SLIT2: variants seen among roughly 807,000 people sequenced by gnomAD.
The protein encoded by SLIT2 is slit guidance ligand 2, also known as slit homolog 2 protein.
Under a neutral mutation model 185.7 loss-of-function variants are expected in SLIT2, and 41 were observed. The ratio of observed to expected loss-of-function variants is 0.22; its 90% CI spans 0.17 to 0.29. The LOEUF (loss-of-function observed/expected upper bound fraction) is 0.29. SLIT2 is among the 10% of genes least tolerant of loss of function. The probability of loss-of-function intolerance (pLI) is 1.00; values close to 1 mark genes in which losing one functional copy is unlikely to be tolerated. For synonymous variants in SLIT2, 693 were observed against 680.2 expected (o/e 1.02, Z -0.29); for missense variants, 1,571 against 1,909.0 (o/e 0.82, Z 3.30).
intron 33 of SLIT2, among the ~76,000 whole-genome samples, chr4:20,606,090 T>C (rs911831099): frequency 2.6e-5 from 4 of 152,176 alleles, no homozygotes; most frequent in African/African-American, 9.7e-5. Context: ...AAAGGATTCC[T>C]GGACATCCTC....
intron 4 of SLIT2, among the ~76,000 whole-genome samples, chr4:20,372,642 G>A (rs1347933658): frequency 2.6e-5 from 4 of 151,852 alleles, no homozygotes; most frequent in Admixed American, 6.6e-5. Flanking sequence ...GATCTTTGTT[G>A]GTTTCTTTGC....
At position 20,616,931 on chromosome 4, in the gene SLIT2, T is replaced by A. The variant is rs760115653; in HGVS notation, c.3869T>A (p.Val1290Glu). 1 of 1,604,070 alleles carries A rather than the reference T, an allele frequency of 6.2e-7. No individual in the cohort carries two copies. Among genetic ancestry groups the A allele is most frequent in the Non-Finnish European group, 8.5e-7 (1 of 1,172,168 alleles). ...YVGGMPGKSN[V>E]ASLRQAPGQN... is the part of the protein sequence containing the mutation. Reference sequence around the variant, plus strand: ...CCAGGCATGCCAGGGAAGAGTAACGTGGCATCTCTGCGCCAGGCCCCTGGG... The same window carrying A: ...CCAGGCATGCCAGGGAAGAGTAACGAGGCATCTCTGCGCCAGGCCCCTGGG... The change falls in exon 35 of 37, where the codon GTG (valine) becomes GAG (glutamate). Residue 1290 changes from valine to glutamate, a missense_variant. Val to Glu is a moderately radical substitution (Grantham distance 121). Transcript: ENST00000504154.
chr4:20,295,160 A>G (rs973638095), intron 4 of SLIT2, among the ~76,000 whole-genome samples: 1 of 152,200 alleles, frequency 6.6e-6, no homozygotes, highest in African/African-American at 2.4e-5. Context: ...TGCCTTAAAC[A>G]TTTATAATTT....
At chr4:20,452,397 C>T (rs1398694110) in intron 4 of SLIT2, among the ~76,000 whole-genome samples, 1 of 152,162 alleles carries the variant, frequency 6.6e-6, no homozygotes, top group Non-Finnish European at 1.5e-5. Context: ...AGGTGTAAAG[C>T]ATTTAAAAAT....
At chr4:20,486,520 T>C (rs1717257931) in intron 7 of SLIT2, among the ~76,000 whole-genome samples, 1 of 152,144 alleles carries the variant, frequency 6.6e-6, no homozygotes, top group East Asian at 1.9e-4. Flanking sequence ...CTTTGAGCTA[T>C]TGTGGAGGTC....
chr4:20,584,334 G>C (rs1224995932), intron 29 of SLIT2, among the ~76,000 whole-genome samples: 1 of 152,124 alleles, frequency 6.6e-6, no homozygotes, highest in African/African-American at 2.4e-5. Flanking sequence ...TACTTCCTGA[G>C]GTCTCTTTAT....
At position 20,533,902 on chromosome 4, in the gene SLIT2, C is replaced by G. The variant is rs548373420; in HGVS notation, c.1832+187C>G. On this transcript the variant is annotated intron_variant, in intron 18 of 36. Transcript: ENST00000504154. Reference sequence around the variant, plus strand: ...CATGTATTGTGAATTCAGATGGTCCCTTACCCCAATATTCCTGCCTTCGAT... The same window carrying G: ...CATGTATTGTGAATTCAGATGGTCCGTTACCCCAATATTCCTGCCTTCGAT... Among the ~76,000 whole-genome samples the G allele has an allele frequency of 2.8e-5, 4 of 141,840 alleles. No homozygotes were observed. In the South Asian group the frequency reaches 9.4e-4, roughly 33 times the overall value. The allele number at this position is 141,840 out of a possible 152,430, so 93.1% of individuals were successfully genotyped here.
At chr4:20,536,773 CTTATAT>C (rs1560174862) in intron 18 of SLIT2, among the ~76,000 whole-genome samples, 2 of 151,150 alleles carry the variant, frequency 1.3e-5, no homozygotes, top group Admixed American at 1.3e-4. Context: ...TTTTTTTACT[CTTATAT>C]TTATATAAGA....
intron 4 of SLIT2, among the ~76,000 whole-genome samples, chr4:20,328,358 C>T (rs770761180): frequency 1.4e-4 from 21 of 151,872 alleles, no homozygotes; most frequent in African/African-American, 4.1e-4. Flanking sequence ...GAATAAAATT[C>T]GCTCCATAAA....
intron 9 of SLIT2, 47 bp from the exon 10 acceptor site, chr4:20,510,448 C>A: frequency 1.7e-6 from 2 of 1,185,968 alleles, no homozygotes; most frequent in Non-Finnish European, 1.3e-6. Flanking sequence ...TAAACATGTC[C>A]GAAGGTTCAC....
At chr4:20,424,676 ATG>A (rs1728418654) in intron 4 of SLIT2, among the ~76,000 whole-genome samples, 7 of 152,266 alleles carry the variant, frequency 4.6e-5, no homozygotes, top group Admixed American at 3.9e-4. Context: ...AACAAAGTCA[ATG>A]TGCACATCTG....
intron 4 of SLIT2, among the ~76,000 whole-genome samples, chr4:20,443,800 A>C (rs150326930): frequency 6.6e-5 from 10 of 152,264 alleles, no homozygotes; most frequent in African/African-American, 2.2e-4. Context: ...GAGCCTCATC[A>C]TGTAATAATT....
chr4:20,397,589 C>G (rs1726003692), intron 4 of SLIT2, among the ~76,000 whole-genome samples: 1 of 151,808 alleles, frequency 6.6e-6, no homozygotes, highest in Non-Finnish European at 1.5e-5. Context: ...TATAAATTGT[C>G]ATAATCTTCT....
Position 20,491,741 on chromosome 4 carries a change from C to T in SLIT2, c.776-20C>T, listed in dbSNP as rs760311995. 36 of 1,600,790 alleles carry T rather than the reference C, an allele frequency of 2.2e-5. No homozygotes were observed. In the South Asian group the frequency reaches 3.7e-4, roughly 17 times the overall value. On this transcript the variant is annotated intron_variant, in intron 8 of 36. Transcript: ENST00000504154. Reference sequence around the variant, plus strand: ...GATATTCAGGAGGAAAAATATAATTCCTGTTTATTTCTTTTTTAGGTCACC... The same window carrying T: ...GATATTCAGGAGGAAAAATATAATTTCTGTTTATTTCTTTTTTAGGTCACC...
At chr4:20,377,949 C>A (rs1405229595) in intron 4 of SLIT2, among the ~76,000 whole-genome samples, 1 of 152,002 alleles carries the variant, frequency 6.6e-6, no homozygotes, top group East Asian at 1.9e-4. Context: ...CAATAATCAC[C>A]ATAATGGTGG....
intron 11 of SLIT2, among the ~76,000 whole-genome samples, chr4:20,511,603 T>TTTTTTTTTTTTTTTA (rs61276848): frequency 2.6e-4 from 37 of 144,226 alleles, no homozygotes; most frequent in African/African-American, 9.4e-4. Context: ...TTTTTTTTTT[T>TTTTTTTTTTTTTTTA]ATTTTTGGTA....
Position 20,548,209 on chromosome 4 carries a change from G to A in SLIT2, c.2346-279G>A, listed in dbSNP as rs150015533. On this transcript the variant is annotated intron_variant, in intron 22 of 36. Transcript: ENST00000504154. ...GGCAAATAAACTCTGCTCTGAAGCT[G>A]CTGCTTTGAAGTGAACCAACCCCTT... Among the ~76,000 whole-genome samples the A allele has an allele frequency of 5.4e-3, 824 of 152,188 alleles. 8 individuals carry two copies. The highest frequency in any genetic ancestry group is 0.018 in the African/African-American group (757 of 41,526).
chr4:20,466,854 A>G (rs2148741575), intron 4 of SLIT2, among the ~76,000 whole-genome samples: 1 of 152,224 alleles, frequency 6.6e-6, no homozygotes, highest in East Asian at 1.9e-4. Context: ...AATTTATTTT[A>G]TTTGCTATTT....
chr4:20,587,178 C>T (rs1727134889), intron 29 of SLIT2, among the ~76,000 whole-genome samples: 1 of 151,982 alleles, frequency 6.6e-6, no homozygotes, highest in South Asian at 2.1e-4. Context: ...GCCACCACAC[C>T]CAGCTAATTT....
Sources: allele counts gnomAD v4.1 joint callset (sites outside exome capture counted in the v4.1 genomes callset), GRCh38; gene constraint gnomAD v4.1.1; transcripts MANE v1.5; gene names NCBI Gene and HGNC (gene_info 2026-07-23, HGNC 2026-07-21).